CREB5: variants seen among roughly 807,000 people sequenced by gnomAD.
CREB5 encodes cyclic AMP-responsive element-binding protein 5.
In CREB5, 19 loss-of-function variants were observed where a neutral mutation model predicts 57.1. The ratio of observed to expected loss-of-function variants is 0.33; its 90% CI spans 0.23 to 0.49. The LOEUF (loss-of-function observed/expected upper bound fraction) is 0.49. Ranked by LOEUF, CREB5 falls within the 20% of genes least tolerant of loss-of-function variation. The probability of loss-of-function intolerance (pLI) is 0.99; values close to 1 mark genes in which losing one functional copy is unlikely to be tolerated. For synonymous variants in CREB5, 238 were observed against 238.3 expected (o/e 1.00, Z 0.01); for missense variants, 579 against 671.6 (o/e 0.86, Z 1.52).
At chr7:28,701,698 C>G (rs1359940651) in intron 5 of CREB5, among the ~76,000 whole-genome samples, 2 of 152,098 alleles carry the variant, frequency 1.3e-5, no homozygotes, top group East Asian at 1.9e-4. Context: ...CATATGACAT[C>G]AAATGATAGT....
intron 1 of CREB5, among the ~76,000 whole-genome samples, chr7:28,389,084 G>A (rs566707039): frequency 6.6e-6 from 1 of 152,116 alleles, no homozygotes; most frequent in Non-Finnish European, 1.5e-5. Context: ...ATTCATACAG[G>A]CATAGTTTAT....
intron 4 of CREB5, among the ~76,000 whole-genome samples, chr7:28,538,116 C>T (rs943201168): frequency 1.6e-4 from 25 of 152,084 alleles, no homozygotes; most frequent in Admixed American, 1.4e-3. Context: ...TGCAGTGGCG[C>T]GATCTCTGCT....
chr7:28,813,833 G>A lies in CREB5; in HGVS notation c.1255-4238G>A, dbSNP rs548864836. 9.9e-5 allele frequency among the ~76,000 whole-genome samples: 15 copies of A among 152,128 alleles called. No individual in the cohort carries two copies. The South Asian group carries it at 1.2e-3, about 13-fold the overall frequency. On this transcript the variant is annotated intron_variant, in intron 9 of 10. Coordinates refer to ENST00000357727, the MANE Select transcript of CREB5 (RefSeq NM_182898.4). Reference sequence around the variant, plus strand: ...ATCAGTCCAACTGGATCTTACAGTCGCTAAACAGCTAACTGCTTTAGAGGA... The same window carrying A: ...ATCAGTCCAACTGGATCTTACAGTCACTAAACAGCTAACTGCTTTAGAGGA...
chr7:28,747,248 T>TAC (rs569493241), intron 7 of CREB5, among the ~76,000 whole-genome samples: 1 of 152,216 alleles, frequency 6.6e-6, no homozygotes, highest in Admixed American at 6.5e-5. Flanking sequence ...TGTGTGCAAA[T>TAC]ACACACACAG....
chr7:28,628,629 A>G (rs1052692587), intron 5 of CREB5, among the ~76,000 whole-genome samples: 2 of 152,092 alleles, frequency 1.3e-5, no homozygotes, highest in Non-Finnish European at 2.9e-5. Context: ...TGTCATGGAG[A>G]TGAGGGGACA....
chr7:28,813,449 G>GC (rs1809245067), intron 9 of CREB5, among the ~76,000 whole-genome samples: 1 of 152,208 alleles, frequency 6.6e-6, no homozygotes, highest in African/African-American at 2.4e-5. Flanking sequence ...GGACACATGA[G>GC]CCCAGGTCTG....
rs562013024 is a variant in CREB5, at chr7:28,360,523, C to T, written c.-25+61082C>T. Among the ~76,000 whole-genome samples the T allele has an allele frequency of 2.0e-5, 3 of 152,212 alleles. No homozygotes were observed. In the South Asian group the frequency reaches 6.2e-4, roughly 32 times the overall value. On this transcript the variant is annotated intron_variant, in intron 1 of 9. Transcript: ENST00000396299. ...ATATGTTGAATCTAAAACAGTCAGA[C>T]TCACAGAAGCAGAGAGTACTGTGGT...
chr7:28,387,556 T>C (rs1229823164), intron 1 of CREB5, among the ~76,000 whole-genome samples: 3 of 152,178 alleles, frequency 2.0e-5, no homozygotes, highest in African/African-American at 7.2e-5. Context: ...TAGTTTCTTT[T>C]GCTGTGCAGA....
At chr7:28,636,593 T>C (rs1418212914) in intron 5 of CREB5, among the ~76,000 whole-genome samples, 1 of 152,208 alleles carries the variant, frequency 6.6e-6, no homozygotes, top group Non-Finnish European at 1.5e-5. Flanking sequence ...GATTGATAGA[T>C]ACTACGCCTG....
intron 7 of CREB5, chr7:28,778,911 C>T (rs1178548820): frequency 6.6e-6 from 1 of 152,094 alleles, no homozygotes; most frequent in Non-Finnish European, 1.5e-5. Context: ...TAAACTCATT[C>T]ATTCTAAACT....
chr7:28,356,926 T>C (rs1363235750), intron 1 of CREB5, among the ~76,000 whole-genome samples: 2 of 152,274 alleles, frequency 1.3e-5, no homozygotes, highest in South Asian at 2.1e-4. Flanking sequence ...GTTATCACCA[T>C]AAAGAAGGGC....
chr7:28,706,068 T>A (rs1802089261), intron 5 of CREB5, among the ~76,000 whole-genome samples: 1 of 152,050 alleles, frequency 6.6e-6, no homozygotes, highest in Admixed American at 6.6e-5. Flanking sequence ...CAAAAAAAAA[T>A]CTTCAGCCGG....
At chr7:28,590,325 A>C (rs1458508706) in intron 5 of CREB5, among the ~76,000 whole-genome samples, 1 of 152,042 alleles carries the variant, frequency 6.6e-6, no homozygotes, top group Non-Finnish European at 1.5e-5. Context: ...TGGCACATAT[A>C]CACCATGGAA....
At chr7:28,309,041 G>T (rs922603529) in intron 1 of CREB5, among the ~76,000 whole-genome samples, 2 of 152,142 alleles carry the variant, frequency 1.3e-5, no homozygotes, top group South Asian at 2.1e-4. Context: ...ACAGCAGACT[G>T]TCTTTGGACT....
intron 4 of CREB5, among the ~76,000 whole-genome samples, chr7:28,542,252 A>G (rs1562785421): frequency 6.6e-6 from 1 of 152,222 alleles, no homozygotes; most frequent in Non-Finnish European, 1.5e-5. Flanking sequence ...ACAGTTAGCA[A>G]GTAGTGAAGC....
At chr7:28,453,512 T>C (rs980932137) in intron 1 of CREB5, among the ~76,000 whole-genome samples, 4 of 152,252 alleles carry the variant, frequency 2.6e-5, no homozygotes, top group Admixed American at 6.5e-5. Context: ...TCTTCTCATA[T>C]GATTTTAAAT....
intron 7 of CREB5, among the ~76,000 whole-genome samples, chr7:28,737,484 T>G (rs1418166870): frequency 7.6e-6 from 1 of 130,980 alleles, no homozygotes; most frequent in Non-Finnish European, 1.6e-5. Context: ...CACATAGTAA[T>G]TTCTCTCTCT....
At chr7:28,704,550 C>T (rs544830105) in intron 5 of CREB5, among the ~76,000 whole-genome samples, 1 of 152,096 alleles carries the variant, frequency 6.6e-6, no homozygotes, top group South Asian at 2.1e-4. Flanking sequence ...CTTCAAACTC[C>T]TGGGCTCAAG....
chr7:28,338,286 C>A (rs1000220344), intron 1 of CREB5, among the ~76,000 whole-genome samples: 3 of 152,076 alleles, frequency 2.0e-5, no homozygotes, highest in Non-Finnish European at 4.4e-5. Flanking sequence ...CTCCCTTTAG[C>A]GTTTCTTGTA....
Sources: allele counts gnomAD v4.1 joint callset (sites outside exome capture counted in the v4.1 genomes callset), GRCh38; gene constraint gnomAD v4.1.1; transcripts MANE v1.5; gene names NCBI Gene and HGNC (gene_info 2026-07-23, HGNC 2026-07-21).